The following RAB31 variants were observed in gnomAD, a reference collection of about 807,000 sequenced individuals.
The protein encoded by RAB31 is RAB31, member RAS oncogene family.
In RAB31, 21 loss-of-function variants were observed where a neutral mutation model predicts 25.6. That is an observed-to-expected ratio of 0.82 (90% CI 0.58 to 1.18). RAB31 has a LOEUF of 1.18. Among genes scored for constraint, RAB31 ranks in the 50% most tolerant of loss-of-function variants. RAB31 has a pLI of 0.00. For synonymous variants in RAB31, 87 were observed against 84.0 expected (o/e 1.04, Z -0.20); for missense variants, 196 against 250.1 (o/e 0.78, Z 1.46).
chr18:9,764,483 A>C (rs1345722629), intron 1 of RAB31, among the ~76,000 whole-genome samples: 2 of 152,234 alleles, frequency 1.3e-5, no homozygotes, highest in East Asian at 3.9e-4. Flanking sequence ...CACTGGGAGA[A>C]TCCATGTTTT....
chr18:9,846,556 T>C (rs523687), intron 6 of RAB31, among the ~76,000 whole-genome samples: 1 of 151,980 alleles, frequency 6.6e-6, no homozygotes, highest in Non-Finnish European at 1.5e-5. Context: ...AATAGCCACC[T>C]TAGGAGGAGT....
Position 9,724,285 on chromosome 18 carries a change from AAAC to A in RAB31, c.39+15844_39+15846del, listed in dbSNP as rs1238413306. 5.7e-3 allele frequency among the ~76,000 whole-genome samples: 656 copies of A among 114,316 alleles called. 63 individuals carry two copies. The highest frequency in any genetic ancestry group is 0.02 in the African/African-American group (569 of 27,832). The allele number at this position is 114,316 out of a possible 152,430, so 75.0% of individuals were successfully genotyped here. A position where few individuals can be genotyped will look rare whatever the true frequency, so the allele number is the denominator to read the frequency against. ...GACTCCGTCTCAAAAAAAAAAAAAA[AAAC>A]AAAAAAAAAACATTATTATTGAAAT... On this transcript the variant is annotated intron_variant, in intron 1 of 6. Coordinates refer to ENST00000578921, the MANE Select transcript of RAB31 (RefSeq NM_006868.4).
chr18:9,727,346 T>C (rs1447084331), intron 1 of RAB31, among the ~76,000 whole-genome samples: 2 of 152,212 alleles, frequency 1.3e-5, no homozygotes, highest in Non-Finnish European at 2.9e-5. Flanking sequence ...AGACAGGGTC[T>C]CTCTCTGTCG....
intron 1 of RAB31, among the ~76,000 whole-genome samples, chr18:9,710,857 C>T (rs2068013086): frequency 1.3e-5 from 2 of 151,182 alleles, no homozygotes; most frequent in Admixed American, 1.3e-4. Flanking sequence ...GACTCTATCT[C>T]AAAGAAAAGA....
intron 1 of RAB31, among the ~76,000 whole-genome samples, chr18:9,737,478 G>A (rs1482572492): frequency 1.3e-5 from 2 of 152,188 alleles, no homozygotes; most frequent in African/African-American, 4.8e-5. Flanking sequence ...AGAGTATAAA[G>A]CTGTTTTTCC....
chr18:9,764,958 TTTC>T (rs869275460), intron 1 of RAB31, among the ~76,000 whole-genome samples: 1 of 151,820 alleles, frequency 6.6e-6, no homozygotes, highest in Non-Finnish European at 1.5e-5. Flanking sequence ...TCTTTCTTTC[TTTC>T]TTTTTTTTTT....
chr18:9,764,661 C>T (rs193243537), intron 1 of RAB31, among the ~76,000 whole-genome samples: 5 of 152,144 alleles, frequency 3.3e-5, no homozygotes, highest in South Asian at 2.1e-4. Context: ...CTTATTTTTT[C>T]GTATTCTCTG....
rs565147928 is a variant in RAB31 at position 9,778,320 on chromosome 18, A to G, written c.119+2963A>G. On this transcript the variant is annotated intron_variant, in intron 2 of 6. Coordinates refer to ENST00000578921, the MANE Select transcript of RAB31 (RefSeq NM_006868.4). The stretch of plus-strand genomic sequence containing the variant: ...ATGGATTGCTGCTACCATTTTGGAA[A>G]CAAACACAGTTGACAGTGTTTTGTC... 4.6e-5 allele frequency among the ~76,000 whole-genome samples: 7 copies of G among 152,270 alleles called. No individual in the cohort carries two copies. The South Asian group carries it at 1.4e-3, about 32-fold the overall frequency.
chr18:9,724,226 C>G (rs926367664), intron 1 of RAB31, among the ~76,000 whole-genome samples: 3 of 141,552 alleles, frequency 2.1e-5, no homozygotes, highest in Admixed American at 7.1e-5. Flanking sequence ...AGCCGAGATC[C>G]CGCCACTGCA....
At chr18:9,724,296 A>AC (rs2068087417) in intron 1 of RAB31, among the ~76,000 whole-genome samples, 9 of 147,900 alleles carry the variant, frequency 6.1e-5, no homozygotes, top group Non-Finnish European at 4.4e-5. Context: ...AACAAAAAAA[A>AC]AACATTATTA....
At chr18:9,855,958 G>A (rs1455601109) in intron 6 of RAB31, 2 of 152,148 alleles carry the variant, frequency 1.3e-5, no homozygotes, top group South Asian at 2.1e-4. Context: ...AGTGACGGCT[G>A]TGTGTGTTCC....
At chr18:9,804,047 C>G (rs574994556) in intron 3 of RAB31, among the ~76,000 whole-genome samples, 1 of 152,230 alleles carries the variant, frequency 6.6e-6, no homozygotes, top group Non-Finnish European at 1.5e-5. Context: ...GGTGGCCATG[C>G]TGGCAGTGAG....
At chr18:9,739,307 T>C (rs753726919) in intron 1 of RAB31, among the ~76,000 whole-genome samples, 27 of 152,096 alleles carry the variant, frequency 1.8e-4, no homozygotes, top group Non-Finnish European at 3.2e-4. Flanking sequence ...ACTCCGTCTC[T>C]ACTAAAAATA....
intron 2 of RAB31, among the ~76,000 whole-genome samples, chr18:9,785,435 A>G (rs570343886): frequency 8.5e-5 from 13 of 152,330 alleles, no homozygotes; most frequent in African/African-American, 2.9e-4. Context: ...GACAGCTTTC[A>G]TCTGGTAGGG....
chr18:9,755,618 TGAG>T (rs1162179885), intron 1 of RAB31, among the ~76,000 whole-genome samples: 9 of 152,214 alleles, frequency 5.9e-5, no homozygotes, highest in African/African-American at 2.2e-4. Context: ...GGGGAACAGT[TGAG>T]GACACTGTCC....
At chr18:9,741,988 C>T (rs914465297) in intron 1 of RAB31, among the ~76,000 whole-genome samples, 2 of 152,218 alleles carry the variant, frequency 1.3e-5, no homozygotes, top group South Asian at 2.1e-4. Context: ...CATAGGGCTG[C>T]TGCTGTCTGC....
intron 5 of RAB31, among the ~76,000 whole-genome samples, chr18:9,840,645 A>C (rs114527300): frequency 4.8e-4 from 73 of 152,314 alleles, no homozygotes; most frequent in Middle Eastern, 6.8e-3. Context: ...ATGTCCTACT[A>C]TTCAGTTCAA....
At chr18:9,798,299 C>T (rs1478489932) in intron 3 of RAB31, among the ~76,000 whole-genome samples, 2 of 152,204 alleles carry the variant, frequency 1.3e-5, no homozygotes, top group Non-Finnish European at 1.5e-5. Context: ...CTGTCCTTGT[C>T]TGGTGTCCCC....
intron 2 of RAB31, among the ~76,000 whole-genome samples, chr18:9,781,315 C>A (rs1015352382): frequency 2.0e-5 from 3 of 152,020 alleles, no homozygotes; most frequent in African/African-American, 7.2e-5. Flanking sequence ...GTGTGCTGTT[C>A]TTTTTTCTTT....
Sources: allele counts gnomAD v4.1 joint callset (sites outside exome capture counted in the v4.1 genomes callset), GRCh38; gene constraint gnomAD v4.1.1; transcripts MANE v1.5; gene names NCBI Gene and HGNC (gene_info 2026-07-23, HGNC 2026-07-21).